GPHN: variants seen among roughly 807,000 people sequenced by gnomAD.
The protein encoded by GPHN is gephyrin.
Under a neutral mutation model 95.5 loss-of-function variants are expected in GPHN, and 17 were observed. The observed-to-expected ratio is 0.18, with a 90% CI of 0.12 to 0.27. The LOEUF (loss-of-function observed/expected upper bound fraction) is 0.27, where lower values mean the gene tolerates loss of function less well. Ranked by LOEUF, GPHN falls within the 10% of genes least tolerant of loss-of-function variation. The pLI, the probability that GPHN is intolerant of heterozygous loss-of-function variation, is 1.00. For missense variants in GPHN, 660 were observed against 978.1 expected, an observed-to-expected ratio of 0.67 and a Z score of 4.34; for synonymous variants, 320 against 322.5, an observed-to-expected ratio of 0.99 and a Z score of 0.08.
At chr14:66,948,112 A>G in intron 8 of GPHN, among the ~76,000 whole-genome samples, 1 of 152,328 alleles carries the variant, frequency 6.6e-6, no homozygotes. Flanking sequence ...TATAAGTGCC[A>G]TAAGAAATTA....
chr14:67,397,987 C>T, the GPHN span: 1 of 515,584 alleles, frequency 1.9e-6, no homozygotes, highest in Admixed American at 3.8e-5. Context: ...GAGTACGTAG[C>T]AAAGACCTTT....
At chr14:66,693,828 A>G (rs1414455654) in intron 2 of GPHN, among the ~76,000 whole-genome samples, 4 of 152,218 alleles carry the variant, frequency 2.6e-5, no homozygotes, top group Non-Finnish European at 4.4e-5. Context: ...ATTCAAAGCC[A>G]TATTAAGGAC....
At chr14:67,308,550 T>C in the GPHN span, among the ~76,000 whole-genome samples, 2 of 146,626 alleles carry the variant, frequency 1.4e-5, no homozygotes, top group Non-Finnish European at 3.0e-5. Context: ...CTTTTTCTTT[T>C]TTTTTTTTTT....
chr14:67,223,715 C>G, the GPHN span: 1 of 979,372 alleles, frequency 1.0e-6, no homozygotes, highest in Non-Finnish European at 1.2e-6. Context: ...TTCTTTCCAC[C>G]TTTTTCTCCC....
At chr14:67,726,493 A>T in the GPHN span, among the ~76,000 whole-genome samples, 2 of 152,206 alleles carry the variant, frequency 1.3e-5, no homozygotes, top group Admixed American at 6.5e-5. Context: ...TCACATCTAC[A>T]TGATGGCCAA....
the GPHN span, among the ~76,000 whole-genome samples, chr14:67,734,965 C>CA: frequency 6.6e-6 from 1 of 152,198 alleles, no homozygotes; most frequent in East Asian, 1.9e-4. Flanking sequence ...TACTGCCTCT[C>CA]ATTTAAAGAC....
At chr14:67,302,504 A>G in the GPHN span, 1 of 1,596,358 alleles carries the variant, frequency 6.3e-7, no homozygotes, top group Non-Finnish European at 8.5e-7. Flanking sequence ...CATGAAGGAG[A>G]TGAAGTTCTA....
intron 3 of GPHN, among the ~76,000 whole-genome samples, chr14:66,820,124 C>T (rs1198049366): frequency 6.6e-6 from 1 of 152,074 alleles, no homozygotes; most frequent in Non-Finnish European, 1.5e-5. Flanking sequence ...TGAATCCTTG[C>T]TATGAAAGAT....
At chr14:67,287,585 T>C in the GPHN span, among the ~76,000 whole-genome samples, 946 of 152,332 alleles carry the variant, frequency 6.2e-3, 9 homozygotes, top group South Asian at 0.042. Flanking sequence ...AGAACAGACA[T>C]TCATGTGCAA....
the GPHN span, among the ~76,000 whole-genome samples, chr14:67,711,925 A>T: frequency 6.6e-6 from 1 of 152,210 alleles, no homozygotes; most frequent in Non-Finnish European, 1.5e-5. Context: ...GGGACTACCT[A>T]TCTTTTTTTT....
the GPHN span, among the ~76,000 whole-genome samples, chr14:67,211,046 G>T: frequency 4.6e-5 from 7 of 151,958 alleles, no homozygotes; most frequent in African/African-American, 1.5e-4. Context: ...CAGATCTCTG[G>T]GTTCAAATCC....
chr14:67,392,195 C>A, the GPHN span: 1 of 681,044 alleles, frequency 1.5e-6, no homozygotes, highest in Non-Finnish European at 2.7e-6. Context: ...GTGCTGGGCT[C>A]TTGCTTTCGT....
chr14:67,700,309 C>T, the GPHN span, among the ~76,000 whole-genome samples: 1 of 152,000 alleles, frequency 6.6e-6, no homozygotes, highest in Non-Finnish European at 1.5e-5. Flanking sequence ...TTAGCTATAT[C>T]GAGAAAAGCC....
chr14:66,983,081 G>C (rs2070787159), intron 9 of GPHN, among the ~76,000 whole-genome samples: 3 of 152,030 alleles, frequency 2.0e-5, no homozygotes, highest in Admixed American at 6.6e-5. Context: ...GTGAAACCCT[G>C]TCTCTACTAA....
At chr14:66,860,307 G>T (rs2062975513) in intron 4 of GPHN, among the ~76,000 whole-genome samples, 1 of 152,086 alleles carries the variant, frequency 6.6e-6, no homozygotes, top group Non-Finnish European at 1.5e-5. Flanking sequence ...CAGGACAAAA[G>T]AAAGTGGCAT....
chr14:67,351,643 G>A, the GPHN span, among the ~76,000 whole-genome samples: 1 of 151,982 alleles, frequency 6.6e-6, no homozygotes, highest in African/African-American at 2.4e-5. Context: ...CAAGTAGCTG[G>A]GACTACAGGT....
the GPHN span, chr14:67,733,960 C>A: frequency 1.3e-6 from 1 of 742,846 alleles, no homozygotes; most frequent in Non-Finnish European, 2.4e-6. Context: ...TGCTGCGAAT[C>A]CTGCCTGCTC....
the GPHN span, chr14:67,302,038 A>G: frequency 4.3e-6 from 7 of 1,610,924 alleles, no homozygotes; most frequent in Admixed American, 1.0e-4. Flanking sequence ...TACAGATGAG[A>G]GAGTTTATGA....
In GPHN at chr14:66,686,902, A is replaced by C. The variant is rs113120274; in HGVS notation, c.143+5717A>C. On this transcript the variant is annotated intron_variant, in intron 2 of 22. Transcript: ENST00000478722. ...GGCTGTGGGTTTGTCATAAATAGCT[A>C]TTATTGTTTTGAGATACGTCCCATC... 3.5e-3 allele frequency among the ~76,000 whole-genome samples: 526 copies of C among 152,042 alleles called. 10 individuals carry two copies. The highest frequency in any genetic ancestry group is 0.012 in the African/African-American group (501 of 41,442).
Sources: allele counts gnomAD v4.1 joint callset (sites outside exome capture counted in the v4.1 genomes callset), GRCh38; gene constraint gnomAD v4.1.1; transcripts MANE v1.5; gene names NCBI Gene and HGNC (gene_info 2026-07-23, HGNC 2026-07-21).